Variants in SCHIP1 observed in about 807,000 individuals in gnomAD.
The protein encoded by SCHIP1 is schwannomin interacting protein 1, also known as schwannomin-interacting protein 1.
Under a neutral mutation model 29.7 loss-of-function variants are expected in SCHIP1, and 8 were observed. The ratio of observed to expected loss-of-function variants is 0.27; its 90% CI spans 0.16 to 0.49. The LOEUF (loss-of-function observed/expected upper bound fraction) is 0.49, where lower values mean the gene tolerates loss of function less well. SCHIP1 is among the 20% of genes least tolerant of loss of function. The pLI is 0.99. For missense variants in SCHIP1, 193 were observed against 294.6 expected (o/e 0.66, Z 2.52); for synonymous variants, 76 against 94.9 (o/e 0.80, Z 1.16).
At chr3:159,383,547 C>T in the SCHIP1 span, among the ~76,000 whole-genome samples, 2 of 150,126 alleles carry the variant, frequency 1.3e-5, no homozygotes, top group African/African-American at 4.9e-5. Context: ...AGTGTGATGC[C>T]TCCAGCTTTG....
chr3:159,749,844 G>A, the SCHIP1 span, among the ~76,000 whole-genome samples: 4 of 152,132 alleles, frequency 2.6e-5, no homozygotes, highest in Non-Finnish European at 4.4e-5. Flanking sequence ...ATCAATGAAC[G>A]TATTATAGTA....
At chr3:159,376,826 A>C in the SCHIP1 span, among the ~76,000 whole-genome samples, 1 of 152,104 alleles carries the variant, frequency 6.6e-6, no homozygotes, top group Non-Finnish European at 1.5e-5. Flanking sequence ...CAGTAGCCCC[A>C]GTTTTGGGCT....
the SCHIP1 span, among the ~76,000 whole-genome samples, chr3:159,303,610 A>G: frequency 1.3e-5 from 2 of 152,070 alleles, no homozygotes; most frequent in African/African-American, 2.4e-5. Context: ...AAGGTCACCT[A>G]CTGAGCGGTG....
chr3:159,356,248 AGTT>A, the SCHIP1 span, among the ~76,000 whole-genome samples: 3 of 152,202 alleles, frequency 2.0e-5, no homozygotes, highest in Admixed American at 1.3e-4. Context: ...CTTAGGGTTA[AGTT>A]GTTATCGTTC....
chr3:159,749,919 C>T, the SCHIP1 span, among the ~76,000 whole-genome samples: 2 of 152,032 alleles, frequency 1.3e-5, no homozygotes, highest in African/African-American at 4.8e-5. Flanking sequence ...AATTTTAAAA[C>T]ATAATCAGTA....
the SCHIP1 span, among the ~76,000 whole-genome samples, chr3:159,500,510 G>A: frequency 6.6e-6 from 1 of 152,008 alleles, no homozygotes; most frequent in African/African-American, 2.4e-5. Context: ...TCAGGAGATC[G>A]AGACCATCCT....
chr3:159,365,056 G>A, the SCHIP1 span, among the ~76,000 whole-genome samples: 1 of 152,128 alleles, frequency 6.6e-6, no homozygotes, highest in Non-Finnish European at 1.5e-5. Context: ...TTTATTTCAT[G>A]GCAAGAATTG....
the SCHIP1 span, chr3:159,721,822 T>C: frequency 2.5e-6 from 1 of 401,418 alleles, no homozygotes; most frequent in South Asian, 2.2e-5. Context: ...GAAATGATAT[T>C]ATTTTTTATT....
the SCHIP1 span, among the ~76,000 whole-genome samples, chr3:159,611,074 G>C: frequency 6.6e-6 from 1 of 152,040 alleles, no homozygotes; most frequent in African/African-American, 2.4e-5. Context: ...AAGCAGTTAG[G>C]CGACTTGGCC....
At chr3:159,514,646 AT>A in the SCHIP1 span, among the ~76,000 whole-genome samples, 1 of 152,226 alleles carries the variant, frequency 6.6e-6, no homozygotes. Context: ...TGTAGCCAGA[AT>A]GTTTTACATT....
the SCHIP1 span, among the ~76,000 whole-genome samples, chr3:159,500,652 T>G: frequency 6.6e-6 from 1 of 151,282 alleles, no homozygotes; most frequent in Non-Finnish European, 1.5e-5. Context: ...AGGCAGAGCT[T>G]GCAGTGAGCC....
the SCHIP1 span, among the ~76,000 whole-genome samples, chr3:159,720,042 T>C: frequency 6.6e-6 from 1 of 152,186 alleles, no homozygotes; most frequent in Admixed American, 6.5e-5. Flanking sequence ...CATGGAATAC[T>C]ATGCAGCCAT....
chr3:159,280,604 G>A, the SCHIP1 span, among the ~76,000 whole-genome samples: 5 of 152,280 alleles, frequency 3.3e-5, no homozygotes, highest in Non-Finnish European at 7.4e-5. Flanking sequence ...ACACAGGGTG[G>A]CATTATCACA....
chr3:159,493,373 T>C, the SCHIP1 span, among the ~76,000 whole-genome samples: 10 of 152,180 alleles, frequency 6.6e-5, no homozygotes, highest in South Asian at 1.3e-3. Flanking sequence ...CATGCAGAGA[T>C]ACACATAGGC....
chr3:159,788,431 G>A, the SCHIP1 span, among the ~76,000 whole-genome samples: 1 of 151,898 alleles, frequency 6.6e-6, no homozygotes, highest in African/African-American at 2.4e-5. Flanking sequence ...AGTGTAGAGC[G>A]TTCTTTCACT....
At chr3:159,760,815 T>A in the SCHIP1 span, among the ~76,000 whole-genome samples, 1 of 152,260 alleles carries the variant, frequency 6.6e-6, no homozygotes, top group Admixed American at 6.5e-5. Context: ...TTTATGAAAC[T>A]TTCTTTCCCT....
the SCHIP1 span, among the ~76,000 whole-genome samples, chr3:159,714,765 GC>G: frequency 1.3e-5 from 2 of 152,218 alleles, no homozygotes. Flanking sequence ...ACTGGGTGGA[GC>G]CCACCTCAGC....
chr3:159,819,839 C>T, the SCHIP1 span, among the ~76,000 whole-genome samples: 34 of 152,318 alleles, frequency 2.2e-4, no homozygotes, highest in African/African-American at 7.9e-4. Flanking sequence ...TGAGCTGGTG[C>T]CTGGGCCCTT....
the SCHIP1 span, among the ~76,000 whole-genome samples, chr3:159,551,999 T>G: frequency 6.6e-6 from 1 of 151,760 alleles, no homozygotes; most frequent in Non-Finnish European, 1.5e-5. Flanking sequence ...GGTAATTTCA[T>G]GTGAACAGAT....
Sources: gnomAD v4.1 joint callset for allele counts (sites outside exome capture counted in the v4.1 genomes callset) on GRCh38, gnomAD v4.1.1 for gene constraint, MANE v1.5 for transcripts, NCBI Gene and HGNC (gene_info 2026-07-23, HGNC 2026-07-21) for gene names.